FAM227A: variants seen among roughly 807,000 people sequenced by gnomAD.
FAM227A encodes the protein family with sequence similarity 227 member A.
Under a neutral mutation model 74.7 loss-of-function variants are expected in FAM227A, and 80 were observed. That is an observed-to-expected ratio of 1.07 (90% confidence interval 0.89 to 1.29). The LOEUF (loss-of-function observed/expected upper bound fraction) is 1.29. FAM227A is among the 50% of genes most tolerant of loss of function. The probability of loss-of-function intolerance (pLI) is 0.00; values close to 1 mark genes in which losing one functional copy is unlikely to be tolerated. For missense variants in FAM227A, 654 were observed against 683.4 expected, an observed-to-expected ratio of 0.96 and a Z score of 0.48; for synonymous variants, 237 against 241.8, an observed-to-expected ratio of 0.98 and a Z score of 0.19.
chr22:38,622,163 TAA>T (rs2091703447), intron 10 of FAM227A, among the ~76,000 whole-genome samples: 1 of 152,166 alleles, frequency 6.6e-6, no homozygotes, highest in Non-Finnish European at 1.5e-5. Context: ...TGCCTGTAAT[TAA>T]AAGTGGGTTT....
chr22:38,593,445 C>T (rs1308796022), intron 15 of FAM227A, among the ~76,000 whole-genome samples: 1 of 152,166 alleles, frequency 6.6e-6, no homozygotes, highest in African/African-American at 2.4e-5. Flanking sequence ...GCGGAGCTTG[C>T]AGTGAGCCGA....
chr22:38,642,339 C>A (rs908181656), intron 3 of FAM227A, among the ~76,000 whole-genome samples: 1 of 152,076 alleles, frequency 6.6e-6, no homozygotes, highest in Non-Finnish European at 1.5e-5. Context: ...AGTGTAGACA[C>A]CCTGAGAGGT....
chr22:38,609,714 C>A (rs376272847), intron 11 of FAM227A, among the ~76,000 whole-genome samples: 1 of 152,080 alleles, frequency 6.6e-6, no homozygotes, highest in Non-Finnish European at 1.5e-5. Context: ...GAGGTGGTTG[C>A]AGGGAAAACA....
rs1733780236 is a variant in FAM227A at position 38,607,392 on chromosome 22, T to C, written c.1123A>G (p.Lys375Glu). 6.5e-7 allele frequency: 1 copy of C among 1,548,470 alleles called. No individual in the cohort carries two copies. Among genetic ancestry groups the C allele is most frequent in the Non-Finnish European group, 8.7e-7 (1 of 1,144,112 alleles). ...CCCTTTTTGGTAGTCAATATACCTT[T>C]TGCAGTATTCTGCATTCGTAAGCTT... ...EKSLRMQNTA[K>E]EHHCQTLVLK... Residue 375 changes from lysine (K) to glutamate (E), a missense_variant, in exon 12 of 17, where the codon AAA (lysine) becomes GAA (glutamate). By Grantham distance (56) the Lys-to-Glu change is moderately conservative. Transcript: ENST00000535113.
intron 11 of FAM227A, among the ~76,000 whole-genome samples, chr22:38,608,792 CCTTTTT>C (rs1171938445): frequency 1.5e-4 from 19 of 127,660 alleles, no homozygotes; most frequent in African/African-American, 6.0e-4. Context: ...GACCCTTGTT[CCTTTTT>C]TTTTTTTTTT....
chr22:38,621,059 G>A (rs1312142797), intron 10 of FAM227A, among the ~76,000 whole-genome samples: 1 of 151,116 alleles, frequency 6.6e-6, no homozygotes, highest in Admixed American at 6.6e-5. Context: ...TGAGTCGGCC[G>A]GGCATGGTGG....
rs1370326858 is a variant in FAM227A, at chr22:38,646,509, G to A, written c.143-864C>T. On this transcript the variant is annotated intron_variant, in intron 2 of 16. Coordinates refer to ENST00000535113, the MANE Select transcript of FAM227A (RefSeq NM_001013647.2). The stretch of plus-strand genomic sequence containing the variant: ...GATCTCCTGACCTCGTGATCCGCCC[G>A]CCTCGGCCTCCCAAAGTGCTGGGAT... 3.3e-5 allele frequency among the ~76,000 whole-genome samples: 5 copies of A among 150,522 alleles called. No individual in the cohort carries two copies. In the East Asian group the frequency reaches 8.1e-4, roughly 24 times the overall value.
In FAM227A at chr22:38,628,096, T is replaced by G. The variant is rs1388395502; in HGVS notation, c.726+142A>C. The G allele has an allele frequency of 6.5e-6, 4 of 615,756 alleles. No individual in the cohort carries two copies. The Admixed American group carries it at 1.2e-4, about 18-fold the overall frequency. 38.1% of individuals were successfully genotyped at this position (615,756 alleles called of 1,614,324 possible). On this transcript the variant is annotated intron_variant, in intron 8 of 16. Transcript: ENST00000535113. ...AATAGCTCTACTGTATTTTTGTAAC[T>G]TCTGCATTGCAAGTCAGTGTATGGA...
intron 13 of FAM227A, among the ~76,000 whole-genome samples, chr22:38,604,235 G>A (rs1442946899): frequency 1.3e-5 from 2 of 152,192 alleles, no homozygotes; most frequent in African/African-American, 4.8e-5. Context: ...GCTGAGACAC[G>A]AGAATCACTT....
In FAM227A at chr22:38,579,542, A is replaced by G. The variant is rs886916431; in HGVS notation, c.*6583T>C. The G allele has an allele frequency of 1.3e-5, 2 of 152,224 alleles. No individual in the cohort carries two copies. Among genetic ancestry groups the G allele is most frequent in the African/African-American group, 4.8e-5 (2 of 41,456 alleles). The allele number at this position is 152,224 out of a possible 1,614,324, so 9.4% of individuals were successfully genotyped here. On this transcript the variant is annotated 3_prime_UTR_variant, in exon 17 of 17. Transcript: ENST00000535113. Reference sequence around the variant, plus strand: ...AAATATGCTTAGAAGTGTCCATGGTAGATGCCTTTAATTTTAAAAATTATG... The same window carrying G: ...AAATATGCTTAGAAGTGTCCATGGTGGATGCCTTTAATTTTAAAAATTATG...
At chr22:38,626,883 A>AT in intron 8 of FAM227A, among the ~76,000 whole-genome samples, 1 of 105,924 alleles carries the variant, frequency 9.4e-6, no homozygotes, top group African/African-American at 4.0e-5. Flanking sequence ...AAAAAAAAAA[A>AT]AAAAAAAAAT....
At chr22:38,635,647 T>C (rs2091988955) in intron 6 of FAM227A, among the ~76,000 whole-genome samples, 1 of 152,098 alleles carries the variant, frequency 6.6e-6, no homozygotes. Context: ...GGAAGCATAC[T>C]CACCCCCAGA....
At chr22:38,603,205 A>G (rs1156397511) in intron 13 of FAM227A, among the ~76,000 whole-genome samples, 2 of 152,120 alleles carry the variant, frequency 1.3e-5, no homozygotes, top group Admixed American at 6.5e-5. Flanking sequence ...TATTTGCATT[A>G]CTGTGGGCTG....
At chr22:38,650,376 G>A in intron 1 of FAM227A, 114 bp from the exon 2 acceptor site, 1 of 555,668 alleles carries the variant, frequency 1.8e-6, no homozygotes, top group East Asian at 3.0e-5. Flanking sequence ...GCCTGCATGG[G>A]GAATGAAAGG....
chr22:38,632,079 C>T (rs1450206704), intron 6 of FAM227A, among the ~76,000 whole-genome samples: 3 of 151,872 alleles, frequency 2.0e-5, no homozygotes, highest in Non-Finnish European at 2.9e-5. Context: ...TTCAACAAGA[C>T]GGCGAGCCCT....
intron 15 of FAM227A, among the ~76,000 whole-genome samples, chr22:38,591,953 CTTTTTTTT>C (rs112701206): frequency 7.0e-6 from 1 of 143,464 alleles, no homozygotes; most frequent in Non-Finnish European, 1.5e-5. Context: ...ATCTTTTTTT[CTTTTTTTT>C]TTTTTGAGAT....
Position 38,579,002 on chromosome 22 carries a change from A to G in FAM227A, c.*7123T>C, listed in dbSNP as rs2090684270. Reference sequence around the variant, plus strand: ...ATGAGGCACAACAATTATCACCCCTATTTACACGATGGAACTGGGGCACCA... The same window carrying G: ...ATGAGGCACAACAATTATCACCCCTGTTTACACGATGGAACTGGGGCACCA... On this transcript the variant is annotated 3_prime_UTR_variant, in exon 17 of 17. Transcript: ENST00000535113. 6.6e-6 allele frequency: 1 copy of G among 152,176 alleles called. No homozygotes were observed. Among genetic ancestry groups the G allele is most frequent in the African/African-American group, 2.4e-5 (1 of 41,430 alleles). 9.4% of individuals were successfully genotyped at this position (152,176 alleles called of 1,614,324 possible). A position where few individuals can be genotyped will look rare whatever the true frequency, so the allele number is the denominator to read the frequency against.
chr22:38,640,162 T>C (rs1396763205), intron 3 of FAM227A, among the ~76,000 whole-genome samples: 3 of 151,840 alleles, frequency 2.0e-5, no homozygotes, highest in Non-Finnish European at 4.4e-5. Context: ...GCCTCCCGAG[T>C]AGCTGGGACT....
intron 16 of FAM227A, 145 bp downstream of exon 16, chr22:38,591,290 C>T (rs565171622): frequency 2.4e-5 from 33 of 1,379,534 alleles, no homozygotes; most frequent in Middle Eastern, 5.2e-4. Context: ...CACCACTGCA[C>T]TCAGCCTTGA....
Sources: allele counts gnomAD v4.1 joint callset (sites outside exome capture counted in the v4.1 genomes callset), GRCh38; gene constraint gnomAD v4.1.1; transcripts MANE v1.5; gene names NCBI Gene and HGNC (gene_info 2026-07-23, HGNC 2026-07-21).